The following CNOT6 variants were observed in gnomAD, a reference collection of about 807,000 sequenced individuals.
The protein encoded by CNOT6 is carbon catabolite repression 4 protein.
A neutral mutation model predicts 61.2 loss-of-function variants in CNOT6; 12 were observed. The ratio of observed to expected loss-of-function variants is 0.20; its 90% confidence interval spans 0.13 to 0.32. The LOEUF is 0.32. Among genes scored for constraint, CNOT6 ranks in the 10% least tolerant of loss-of-function variants. The probability of loss-of-function intolerance (pLI) is 1.00; values close to 1 mark genes in which losing one functional copy is unlikely to be tolerated. For synonymous variants in CNOT6, 225 were observed against 240.6 expected (o/e 0.94, Z 0.60); for missense variants, 405 against 663.9 (o/e 0.61, Z 4.28).
intron 1 of CNOT6, among the ~76,000 whole-genome samples, chr5:180,525,911 T>A (rs561634811): frequency 1.0e-4 from 15 of 148,404 alleles, no homozygotes; most frequent in Admixed American, 7.4e-4. Context: ...GATCACTGGG[T>A]TTCTTCTTTT....
At chr5:180,549,556 G>T (rs1420710227) in intron 2 of CNOT6, among the ~76,000 whole-genome samples, 1 of 152,072 alleles carries the variant, frequency 6.6e-6, no homozygotes, top group Non-Finnish European at 1.5e-5. Context: ...GGCTGAGGCA[G>T]GAGAATGGCA....
At chr5:180,500,436 C>G (rs1392457718) in intron 1 of CNOT6, among the ~76,000 whole-genome samples, 1 of 62,130 alleles carries the variant, frequency 1.6e-5, no homozygotes, top group African/African-American at 5.6e-5. Context: ...TTTTTCTTTT[C>G]TTTTCTTTTT....
Position 180,494,472 on chromosome 5 carries a change from A to ACGGCGG in CNOT6, c.-291_-286dup, listed in dbSNP as rs1561624804. On this transcript the variant is annotated 5_prime_UTR_variant, in exon 1 of 12. Transcript: ENST00000261951. Reference sequence around the variant, plus strand: ...GGCGGCGGCGTCGGTGGCGGCGGCGACGGCGGCGCGGAGGCGAAGGCAGCG... The same window carrying ACGGCGG: ...GGCGGCGGCGTCGGTGGCGGCGGCGACGGCGGCGGCGGCGCGGAGGCGAAGGCAGCG... 1 of 152,324 alleles carries ACGGCGG rather than the reference A, an allele frequency of 6.6e-6. No homozygotes were observed. The highest frequency in any genetic ancestry group is 1.4e-5 in the Non-Finnish European group (1 of 70,034). The allele number at this position is 152,324 out of a possible 1,614,324, so 9.4% of individuals were successfully genotyped here.
intron 1 of CNOT6, among the ~76,000 whole-genome samples, chr5:180,511,462 T>C (rs1409112676): frequency 1.3e-5 from 2 of 152,076 alleles, no homozygotes; most frequent in Admixed American, 1.3e-4. Flanking sequence ...ATATAAAATA[T>C]TAGCCGGGTG....
chr5:180,528,583 G>A (rs1758206304), intron 1 of CNOT6, among the ~76,000 whole-genome samples: 1 of 152,108 alleles, frequency 6.6e-6, no homozygotes, highest in Admixed American at 6.6e-5. Flanking sequence ...CCAAAGTGCT[G>A]GGATTATAGG....
intron 2 of CNOT6, among the ~76,000 whole-genome samples, chr5:180,533,158 C>CG (rs774413540): frequency 6.6e-6 from 1 of 151,878 alleles, no homozygotes; most frequent in Non-Finnish European, 1.5e-5. Flanking sequence ...TCTGGAATGA[C>CG]GGTCTTCTGA....
chr5:180,545,127 C>G lies in CNOT6; in HGVS notation c.113-4804C>G, dbSNP rs1420081211. On this transcript the variant is annotated intron_variant, in intron 2 of 11. Coordinates refer to ENST00000261951, the MANE Select transcript of CNOT6 (RefSeq NM_001370472.1). Reference sequence around the variant, plus strand: ...TATAGCAAAGTAAGGGAAATACCTTCTTAGATTAAGATAGATTTTATTATA... The same window carrying G: ...TATAGCAAAGTAAGGGAAATACCTTGTTAGATTAAGATAGATTTTATTATA... Among the ~76,000 whole-genome samples, 5 of 151,646 alleles carry G rather than the reference C, an allele frequency of 3.3e-5. No homozygotes were observed. The East Asian group carries it at 9.6e-4, about 29-fold the overall frequency.
At chr5:180,514,867 G>T (rs1757560496) in intron 1 of CNOT6, among the ~76,000 whole-genome samples, 1 of 151,860 alleles carries the variant, frequency 6.6e-6, no homozygotes, top group African/African-American at 2.4e-5. Flanking sequence ...GATTTTGGTT[G>T]TGAAGAAAAA....
At chr5:180,532,999 C>T (rs1581511813) in intron 2 of CNOT6, among the ~76,000 whole-genome samples, 1 of 152,262 alleles carries the variant, frequency 6.6e-6, no homozygotes, top group East Asian at 1.9e-4. Context: ...TCTCTGAACC[C>T]TGTTCTTTCG....
chr5:180,496,495 A>T (rs1223753720), intron 1 of CNOT6, among the ~76,000 whole-genome samples: 2 of 152,118 alleles, frequency 1.3e-5, no homozygotes, highest in Non-Finnish European at 2.9e-5. Context: ...AAGTTATTTC[A>T]GGTCACTTCT....
At position 180,547,071 on chromosome 5, in the gene CNOT6, C is replaced by A. The variant is rs74769915; in HGVS notation, c.113-2860C>A. On this transcript the variant is annotated intron_variant, in intron 2 of 11. Coordinates refer to ENST00000261951, the MANE Select transcript of CNOT6 (RefSeq NM_001370472.1). ...TTGAACCATCAGAAAGCAAGGAAGTCACTATTTCATGTCATTGTTCAGAAA... is the reference window on the plus strand; with the variant it reads ...TTGAACCATCAGAAAGCAAGGAAGTAACTATTTCATGTCATTGTTCAGAAA... Among the ~76,000 whole-genome samples the A allele has an allele frequency of 3.2e-4, 48 of 152,274 alleles. No individual in the cohort carries two copies. In the East Asian group the frequency reaches 7.9e-3, roughly 25 times the overall value.
At chr5:180,517,360 C>T (rs1757682260) in intron 1 of CNOT6, among the ~76,000 whole-genome samples, 1 of 152,022 alleles carries the variant, frequency 6.6e-6, no homozygotes. Flanking sequence ...AATTCGTGGG[C>T]TCAAGCTATC....
rs912695473 is a variant in CNOT6 at position 180,575,894 on chromosome 5, T to G, written c.*1694T>G. ...GTCATTTTGGAAATGATTCTTATGTTTTTTTTTTTTCTCCTTTTAGAAAAT... is the reference window on the plus strand; with the variant it reads ...GTCATTTTGGAAATGATTCTTATGTGTTTTTTTTTTCTCCTTTTAGAAAAT... On this transcript the variant is annotated 3_prime_UTR_variant, in exon 12 of 12. Transcript: ENST00000261951. The G allele has an allele frequency of 4.4e-4, 43 of 98,614 alleles. 1 individual carries two copies. Among genetic ancestry groups the G allele is most frequent in the Admixed American group, 3.1e-3 (33 of 10,754 alleles). The allele number at this position is 98,614 out of a possible 1,614,324, so 6.1% of individuals were successfully genotyped here. A position where few individuals can be genotyped will look rare whatever the true frequency, so the allele number is the denominator to read the frequency against.
chr5:180,543,039 G>C (rs1237506617), intron 2 of CNOT6, among the ~76,000 whole-genome samples: 3 of 151,986 alleles, frequency 2.0e-5, no homozygotes, highest in Non-Finnish European at 4.4e-5. Flanking sequence ...TTTAAACTCT[G>C]AATTTTTTTA....
At chr5:180,499,915 GGT>G (rs1209296922) in intron 1 of CNOT6, among the ~76,000 whole-genome samples, 1 of 152,034 alleles carries the variant, frequency 6.6e-6, no homozygotes, top group Non-Finnish European at 1.5e-5. Context: ...TTAGCTGGTG[GGT>G]GTTTGAAGTG....
At chr5:180,542,080 G>C (rs780959811) in intron 2 of CNOT6, among the ~76,000 whole-genome samples, 3 of 152,064 alleles carry the variant, frequency 2.0e-5, no homozygotes, top group Non-Finnish European at 2.9e-5. Context: ...TCTTATCCTT[G>C]TTTCTTTTAT....
chr5:180,547,380 C>T (rs1319410371), intron 2 of CNOT6, among the ~76,000 whole-genome samples: 1 of 151,752 alleles, frequency 6.6e-6, no homozygotes, highest in African/African-American at 2.4e-5. Context: ...CTTAGCTGGG[C>T]GTGGTGGCGG....
chr5:180,572,847 CAT>C (rs1393288937), intron 11 of CNOT6, among the ~76,000 whole-genome samples: 1 of 152,200 alleles, frequency 6.6e-6, no homozygotes, highest in Non-Finnish European at 1.5e-5. Context: ...GGAGCTACCA[CAT>C]CTGGCTCAGC....
chr5:180,498,439 C>T (rs759241372), intron 1 of CNOT6, among the ~76,000 whole-genome samples: 3 of 151,972 alleles, frequency 2.0e-5, no homozygotes, highest in Non-Finnish European at 4.4e-5. Context: ...GGGCAGTTTA[C>T]GGAAAATAAC....
Sources: allele counts gnomAD v4.1 joint callset (sites outside exome capture counted in the v4.1 genomes callset), GRCh38; gene constraint gnomAD v4.1.1; transcripts MANE v1.5; gene names NCBI Gene and HGNC (gene_info 2026-07-23, HGNC 2026-07-21).